ZNF536: variants seen among roughly 807,000 people sequenced by gnomAD.
ZNF536 encodes the protein zinc finger protein 536.
In ZNF536, 13 loss-of-function variants were observed where a neutral mutation model predicts 84.5. The observed-to-expected ratio is 0.15, with a 90% CI of 0.10 to 0.24. The LOEUF (loss-of-function observed/expected upper bound fraction) is 0.24. Ranked by LOEUF, ZNF536 falls within the 10% of genes least tolerant of loss-of-function variation. ZNF536 has a pLI of 1.00. For missense variants in ZNF536, 1,536 were observed against 1,747.5 expected, an observed-to-expected ratio of 0.88 and a Z score of 2.16; for synonymous variants, 811 against 742.5, an observed-to-expected ratio of 1.09 and a Z score of -1.50.
Position 30,548,701 on chromosome 19 carries a change from G to T in ZNF536, c.3082G>T (p.Ala1028Ser), listed in dbSNP as rs1599766034. The T allele has an allele frequency of 6.2e-7, 1 of 1,614,004 alleles. No homozygotes were observed. Among genetic ancestry groups the T allele is most frequent in the Non-Finnish European group, 8.5e-7 (1 of 1,180,028 alleles). The change falls in exon 4 of 5, where the codon GCG (alanine) becomes TCG (serine). Residue 1028 changes from alanine to serine, a missense_variant. By Grantham distance (99) the Ala-to-Ser change is moderately conservative (BLOSUM62 1). Transcript: ENST00000355537. ...LHLQANHLGK[A>S]KRKDNTIGVT... ...TCTCCAGGCCAACCACCTGGGCAAA[G>T]CGAAACGCAAAGATAACACCATCGG...
At chr19:30,690,791 A>G (rs1213419719) in intron 1 of ZNF536, among the ~76,000 whole-genome samples, 1 of 152,212 alleles carries the variant, frequency 6.6e-6, no homozygotes, top group Non-Finnish European at 1.5e-5. Context: ...CAATTTGTGT[A>G]AGGACTGAAT....
intron 1 of ZNF536, among the ~76,000 whole-genome samples, chr19:30,257,799 T>C (rs930079389): frequency 2.6e-5 from 4 of 152,220 alleles, no homozygotes; most frequent in Non-Finnish European, 4.4e-5. Flanking sequence ...GGCGGACCCA[T>C]TGCAACTGGA....
At chr19:30,349,507 T>G (rs2047861834) in intron 2 of ZNF536, among the ~76,000 whole-genome samples, 1 of 152,192 alleles carries the variant, frequency 6.6e-6, no homozygotes, top group Non-Finnish European at 1.5e-5. Flanking sequence ...GTTTCACCTA[T>G]GCCTCGGAGT....
intron 1 of ZNF536, among the ~76,000 whole-genome samples, chr19:30,616,032 A>G (rs1033531218): frequency 1.3e-5 from 2 of 152,174 alleles, no homozygotes; most frequent in African/African-American, 4.8e-5. Context: ...TCATTTTATA[A>G]CCAGCCACCT....
At chr19:30,351,586 T>A (rs945202919) in intron 2 of ZNF536, among the ~76,000 whole-genome samples, 1 of 152,242 alleles carries the variant, frequency 6.6e-6, no homozygotes, top group Admixed American at 6.5e-5. Context: ...CTTCTTGTTA[T>A]GATTTTAAGA....
At chr19:30,522,264 T>TGTATATATATAC (rs2044377987) in intron 2 of ZNF536, among the ~76,000 whole-genome samples, 1 of 119,720 alleles carries the variant, frequency 8.4e-6, no homozygotes, top group African/African-American at 2.8e-5. Context: ...TATATATACA[T>TGTATATATATAC]ATATATATAC....
At chr19:30,305,878 C>T (rs904797765) in intron 2 of ZNF536, among the ~76,000 whole-genome samples, 1 of 152,218 alleles carries the variant, frequency 6.6e-6, no homozygotes, top group Admixed American at 6.5e-5. Context: ...CCCTGTCCTC[C>T]CTCGGTCCAC....
intron 2 of ZNF536, among the ~76,000 whole-genome samples, chr19:30,458,447 G>GTTTTCTT (rs755090482): frequency 1.2e-5 from 1 of 83,490 alleles, no homozygotes; most frequent in African/African-American, 5.6e-5. Context: ...ATTTCCTGCT[G>GTTTTCTT]TTTTTTTTTT....
In ZNF536 at chr19:30,228,935, C is replaced by A. The variant is rs895026267; in HGVS notation, c.-190+262C>A. Among the ~76,000 whole-genome samples the A allele has an allele frequency of 1.3e-5, 2 of 150,628 alleles. No homozygotes were observed. The highest frequency in any genetic ancestry group is 4.9e-5 in the African/African-American group (2 of 40,880). ...TGTACCTGTGGCGAGACTCGGGAGG[C>A]GATCTTGGGGGGCGCGCGGTCGCAG... On this transcript the variant is annotated intron_variant, in intron 1 of 5. Coordinates refer to the ZNF536 transcript ENST00000585628. The surrounding 1 kb of genome is among the most constrained non-coding windows in gnomAD (Gnocchi z 4.5).
chr19:30,318,652 TGA>T (rs1416147772), intron 2 of ZNF536, among the ~76,000 whole-genome samples: 1 of 152,262 alleles, frequency 6.6e-6, no homozygotes, highest in Non-Finnish European at 1.5e-5. Flanking sequence ...TGTGTGCGCA[TGA>T]GTCTGTGCAT....
At chr19:30,647,740 A>AT (rs1198048727) in intron 1 of ZNF536, among the ~76,000 whole-genome samples, 1 of 152,102 alleles carries the variant, frequency 6.6e-6, no homozygotes, top group Non-Finnish European at 1.5e-5. Context: ...TGGAAGTGGT[A>AT]TTTCCTTTCC....
chr19:30,321,033 A>G (rs991186414), intron 2 of ZNF536, among the ~76,000 whole-genome samples: 1 of 152,072 alleles, frequency 6.6e-6, no homozygotes, highest in African/African-American at 2.4e-5. Context: ...GCATCTCACC[A>G]TCTCCGTCCC....
intron 1 of ZNF536, among the ~76,000 whole-genome samples, chr19:30,422,010 TA>T (rs1385949963): frequency 3.9e-5 from 6 of 152,152 alleles, no homozygotes; most frequent in African/African-American, 9.7e-5. Flanking sequence ...GTGAATTAAT[TA>T]AAAAAATATT....
At chr19:30,366,362 C>CTCTATCTATCTA (rs10563588) in intron 3 of ZNF536, among the ~76,000 whole-genome samples, 2,180 of 146,550 alleles carry the variant, frequency 0.015, 20 homozygotes, top group East Asian at 0.032. Context: ...CCTATCATAT[C>CTCTATCTATCTA]TCTATCTATC....
At position 30,410,465 on chromosome 19, in the gene ZNF536, C is replaced by CTTTTTTT. The variant is rs201561646; in HGVS notation, c.-2-33075_-2-33069dup. Among the ~76,000 whole-genome samples, 42 of 122,616 alleles carry CTTTTTTT rather than the reference C, an allele frequency of 3.4e-4. 7 individuals carry two copies. The highest frequency in any genetic ancestry group is 1.4e-3 in the African/African-American group (35 of 24,968). 80.4% of individuals were successfully genotyped at this position (122,616 alleles called of 152,430 possible). On this transcript the variant is annotated intron_variant, in intron 1 of 4. Transcript: ENST00000355537. ...TAAATAAACAATGAAAAGTGAAGGT[C>CTTTTTTT]TTTTTTTTTTTTTTTTTTTTTTTTT...
intron 1 of ZNF536, among the ~76,000 whole-genome samples, chr19:30,257,084 G>A (rs1049793440): frequency 2.6e-5 from 4 of 152,238 alleles, no homozygotes; most frequent in African/African-American, 7.2e-5. Flanking sequence ...ATTTACAGCC[G>A]AATATTCTGT....
chr19:30,605,557 T>A (rs536368665), intron 1 of ZNF536, among the ~76,000 whole-genome samples: 10 of 152,218 alleles, frequency 6.6e-5, no homozygotes, highest in Non-Finnish European at 1.5e-4. Context: ...ATGGCACATA[T>A]ATACTGTATT....
At chr19:30,457,182 C>A (rs75584742) in intron 2 of ZNF536, among the ~76,000 whole-genome samples, 6,861 of 152,264 alleles carry the variant, frequency 0.045, 249 homozygotes, top group Admixed American at 0.095. Flanking sequence ...TGTGGGAGCA[C>A]CTTGGTGCCC....
At chr19:30,297,938 T>G (rs914607457) in intron 2 of ZNF536, among the ~76,000 whole-genome samples, 1 of 143,196 alleles carries the variant, frequency 7.0e-6, no homozygotes, top group Non-Finnish European at 1.5e-5. Context: ...TGGAGTGCAG[T>G]GGTGCGATCT....
Sources: allele counts gnomAD v4.1 joint callset (sites outside exome capture counted in the v4.1 genomes callset), GRCh38; gene constraint gnomAD v4.1.1; non-coding constraint Gnocchi (gnomAD v3.1); transcripts MANE v1.5; gene names NCBI Gene and HGNC (gene_info 2026-07-23, HGNC 2026-07-21).